The following GSG1L variants were observed in gnomAD, a reference collection of about 807,000 sequenced individuals.
GSG1L encodes GSG1 like.
In GSG1L, 24 loss-of-function variants were observed where a neutral mutation model predicts 42.1. The ratio of observed to expected loss-of-function variants is 0.57; its 90% CI spans 0.41 to 0.80. The LOEUF (loss-of-function observed/expected upper bound fraction) is 0.80, where lower values mean the gene tolerates loss of function less well. GSG1L is among the 30% of genes least tolerant of loss of function. The pLI is 0.00. For missense variants in GSG1L, 445 were observed against 472.2 expected (o/e 0.94, Z 0.53); for synonymous variants, 215 against 203.5 (o/e 1.06, Z -0.48).
intron 3 of GSG1L, among the ~76,000 whole-genome samples, chr16:27,871,187 G>T (rs1475085452): frequency 6.6e-6 from 1 of 152,094 alleles, no homozygotes; most frequent in East Asian, 1.9e-4. Context: ...ACTTGGGGAG[G>T]GGGTGCCACT....
intron 1 of GSG1L, among the ~76,000 whole-genome samples, chr16:28,043,449 T>G (rs2086130774): frequency 6.6e-6 from 1 of 151,354 alleles, no homozygotes; most frequent in South Asian, 2.1e-4. Context: ...AAAGAAGGAG[T>G]CAAAAGGAAC....
intron 2 of GSG1L, among the ~76,000 whole-genome samples, chr16:27,903,948 C>T (rs2084291188): frequency 6.6e-6 from 1 of 152,094 alleles, no homozygotes; most frequent in Non-Finnish European, 1.5e-5. Flanking sequence ...CCCCTTTCCC[C>T]TTGCTCACCT....
intron 4 of GSG1L, among the ~76,000 whole-genome samples, chr16:27,843,059 T>C (rs1339876246): frequency 6.6e-6 from 1 of 152,220 alleles, no homozygotes; most frequent in African/African-American, 2.4e-5. Flanking sequence ...TCAATCCCTG[T>C]TGCAACGCTG....
intron 2 of GSG1L, among the ~76,000 whole-genome samples, chr16:27,919,631 A>G (rs1305198096): frequency 6.6e-6 from 1 of 152,142 alleles, no homozygotes; most frequent in African/African-American, 2.4e-5. Flanking sequence ...GAAGATGGAA[A>G]ACTCCAATTG....
At chr16:28,061,300 C>G (rs933456436) in intron 1 of GSG1L, among the ~76,000 whole-genome samples, 3 of 152,252 alleles carry the variant, frequency 2.0e-5, no homozygotes, top group Middle Eastern at 6.8e-3. Context: ...GGCCAAGATG[C>G]CTTTTGAAGT....
intron 3 of GSG1L, among the ~76,000 whole-genome samples, chr16:27,868,927 A>C (rs949168204): frequency 6.6e-6 from 1 of 151,600 alleles, no homozygotes; most frequent in East Asian, 1.9e-4. Context: ...GGCCTGAAGG[A>C]GATAAAAGGT....
intron 3 of GSG1L, among the ~76,000 whole-genome samples, chr16:27,850,307 G>T (rs576343312): frequency 6.6e-6 from 1 of 152,100 alleles, no homozygotes; most frequent in Non-Finnish European, 1.5e-5. Context: ...GAATACAGGC[G>T]TGAGCCACCG....
intron 2 of GSG1L, among the ~76,000 whole-genome samples, chr16:27,916,623 C>G (rs2084459187): frequency 6.6e-6 from 1 of 151,734 alleles, no homozygotes; most frequent in Admixed American, 6.6e-5. Flanking sequence ...GTGCCATGCT[C>G]TCTCCCTTTT....
At chr16:27,901,783 C>T (rs530701662) in intron 2 of GSG1L, among the ~76,000 whole-genome samples, 4 of 152,340 alleles carry the variant, frequency 2.6e-5, no homozygotes, top group Non-Finnish European at 2.9e-5. Flanking sequence ...ACCCCAGCTC[C>T]GTGCCTTGAC....
intron 2 of GSG1L, among the ~76,000 whole-genome samples, chr16:27,910,661 C>T (rs2084376913): frequency 6.6e-6 from 1 of 152,156 alleles, no homozygotes; most frequent in Non-Finnish European, 1.5e-5. Flanking sequence ...CACACAGGTA[C>T]AAAAGCCCCT....
chr16:28,012,133 G>A (rs1041591251), intron 1 of GSG1L, among the ~76,000 whole-genome samples: 1 of 152,084 alleles, frequency 6.6e-6, no homozygotes, highest in African/African-American at 2.4e-5. Flanking sequence ...CCACGCAGTC[G>A]CTACAGCTGC....
At chr16:27,915,629 A>AGAT (rs1186065965) in intron 2 of GSG1L, among the ~76,000 whole-genome samples, 2 of 152,170 alleles carry the variant, frequency 1.3e-5, no homozygotes, top group African/African-American at 4.8e-5. Context: ...TGTCTTGAGG[A>AGAT]GATTGAAAAT....
chr16:27,943,701 A>C (rs1483912125), intron 2 of GSG1L, among the ~76,000 whole-genome samples: 1 of 150,376 alleles, frequency 6.6e-6, no homozygotes, highest in Non-Finnish European at 1.5e-5. Context: ...CAGCCTCTCA[A>C]GTAGCTGGAA....
chr16:27,969,390 G>A (rs988453658), intron 1 of GSG1L, among the ~76,000 whole-genome samples: 2 of 152,086 alleles, frequency 1.3e-5, no homozygotes, highest in African/African-American at 4.8e-5. Context: ...GATTCATATA[G>A]ATGGAATTAT....
At chr16:27,919,179 T>C (rs1205550701) in intron 2 of GSG1L, among the ~76,000 whole-genome samples, 1 of 152,200 alleles carries the variant, frequency 6.6e-6, no homozygotes, top group African/African-American at 2.4e-5. Flanking sequence ...CTTTCAATTC[T>C]CATTCAAACC....
At chr16:28,019,407 C>T (rs780230815) in intron 1 of GSG1L, among the ~76,000 whole-genome samples, 5 of 152,140 alleles carry the variant, frequency 3.3e-5, no homozygotes, top group African/African-American at 4.8e-5. Context: ...CCGGAAGTGA[C>T]CCTATATGGT....
intron 2 of GSG1L, among the ~76,000 whole-genome samples, chr16:27,921,361 G>T (rs1242815452): frequency 6.6e-6 from 1 of 152,146 alleles, no homozygotes; most frequent in Non-Finnish European, 1.5e-5. Flanking sequence ...CCAGCACCAC[G>T]GCCAGTGTCT....
At chr16:27,966,656 C>G (rs4788019) in intron 1 of GSG1L, among the ~76,000 whole-genome samples, 100,204 of 151,956 alleles carry the variant, frequency 0.66, 33,370 homozygotes, top group South Asian at 0.85. Flanking sequence ...CCTGATGCCA[C>G]GGACACAGAC....
At chr16:27,924,901 T>C (rs1418431847) in intron 2 of GSG1L, among the ~76,000 whole-genome samples, 1 of 152,138 alleles carries the variant, frequency 6.6e-6, no homozygotes, top group Non-Finnish European at 1.5e-5. Context: ...TCGACTCACA[T>C]CTCTTAAGAG....
Sources: allele counts gnomAD v4.1 joint callset (sites outside exome capture counted in the v4.1 genomes callset), GRCh38; gene constraint gnomAD v4.1.1; transcripts MANE v1.5; gene names NCBI Gene and HGNC (gene_info 2026-07-23, HGNC 2026-07-21).